The following SEC23IP variants were observed in gnomAD, a reference collection of about 807,000 sequenced individuals.
SEC23IP encodes SEC23-interacting protein.
SEC23IP carries 70 observed loss-of-function variants against 113.4 expected under a neutral mutation model. The observed-to-expected ratio is 0.62, with a 90% CI of 0.51 to 0.75. The LOEUF (loss-of-function observed/expected upper bound fraction) is 0.75. SEC23IP is among the 30% of genes least tolerant of loss of function. The pLI is 0.00. For missense variants in SEC23IP, 1,160 were observed against 1,204.9 expected, an observed-to-expected ratio of 0.96 and a Z score of 0.55; for synonymous variants, 398 against 421.0, an observed-to-expected ratio of 0.95 and a Z score of 0.67.
intron 9 of SEC23IP, 82 bp downstream of exon 9, chr10:119,918,126 C>A: frequency 2.7e-6 from 3 of 1,117,550 alleles, no homozygotes; most frequent in Non-Finnish European, 3.9e-6. Context: ...ATTGTTAGTG[C>A]AAAATTAAGA....
In SEC23IP at chr10:119,909,136, G is replaced by C; in HGVS notation, c.1191+6G>C. The C allele has an allele frequency of 8.2e-6, 13 of 1,575,894 alleles. No individual in the cohort carries two copies. Among genetic ancestry groups the C allele is most frequent in the Non-Finnish European group, 1.1e-5 (13 of 1,157,036 alleles). ...TTGTTATGCACAATCCAAAGGTAAT[G>C]ATGGTGTTCAAAATTTTAAGGTATT... On this transcript the variant is annotated splice_donor_region_variant and intron_variant, in intron 5 of 18. Transcript: ENST00000369075.
chr10:119,907,836 C>T (rs1854728037), intron 4 of SEC23IP, among the ~76,000 whole-genome samples: 1 of 152,122 alleles, frequency 6.6e-6, no homozygotes, highest in African/African-American at 2.4e-5. Flanking sequence ...CCTGTAGTGC[C>T]AGTTACTCGG....
At position 119,914,784 on chromosome 10, in the gene SEC23IP, T is replaced by A. The variant is rs1358722024; in HGVS notation, c.1367T>A (p.Val456Glu). 4 of 1,614,204 alleles carry A rather than the reference T, an allele frequency of 2.5e-6. No homozygotes were observed. The highest frequency in any genetic ancestry group is 1.7e-5 in the Admixed American group (1 of 60,026). ...LVFVVHGIGP[V>E]CDLRFRSIIE... ...TTTGTGGTGCATGGCATTGGACCTG[T>A]GTGTGACTTACGCTTTAGGAGCATT... Residue 456 changes from valine (V) to glutamate (E), a missense_variant, in exon 7 of 19, where the codon GTG becomes GAG. Coordinates refer to ENST00000369075, the MANE Select transcript of SEC23IP (RefSeq NM_007190.4).
intron 5 of SEC23IP, among the ~76,000 whole-genome samples, chr10:119,911,250 T>C (rs1000126009): frequency 6.6e-6 from 1 of 151,834 alleles, no homozygotes; most frequent in Admixed American, 6.6e-5. Flanking sequence ...AATTGCAGGT[T>C]ACTTGTCCTT....
chr10:119,912,324 A>G (rs1418249203), intron 6 of SEC23IP, among the ~76,000 whole-genome samples, 160 bp downstream of exon 6: 1 of 152,018 alleles, frequency 6.6e-6, no homozygotes, highest in Non-Finnish European at 1.5e-5. Flanking sequence ...GTAGAGATGA[A>G]GTTTTGCCAT....
intron 18 of SEC23IP, among the ~76,000 whole-genome samples, chr10:119,935,782 A>G (rs1197212399): frequency 6.6e-6 from 1 of 152,196 alleles, no homozygotes; most frequent in East Asian, 1.9e-4. Context: ...TTCATTTGGG[A>G]TGGGTTCAAG....
Position 119,902,788 on chromosome 10 carries a change from G to A in SEC23IP, c.697-11G>A, listed in dbSNP as rs765226594. On this transcript the variant is annotated splice_polypyrimidine_tract_variant and intron_variant, in intron 2 of 18. Transcript: ENST00000369075. ...CAAGCATGACAGTCTTAACTTTGCC[G>A]TCCCCTCCAGGTTCCTTCTTCAGTG... The A allele has an allele frequency of 5.5e-5, 89 of 1,611,028 alleles. No individual in the cohort carries two copies. The South Asian group carries it at 6.3e-4, about 11-fold the overall frequency.
At chr10:119,899,489 A>C (rs1175756042) in intron 2 of SEC23IP, among the ~76,000 whole-genome samples, 1 of 152,234 alleles carries the variant, frequency 6.6e-6, no homozygotes, top group Non-Finnish European at 1.5e-5. Flanking sequence ...CTAATTGTTT[A>C]TTTGATTTCC....
At chr10:119,923,932 A>G (rs1855333296) in intron 12 of SEC23IP, among the ~76,000 whole-genome samples, 1 of 152,232 alleles carries the variant, frequency 6.6e-6, no homozygotes, top group Non-Finnish European at 1.5e-5. Flanking sequence ...GCAACAGGAC[A>G]GTTTCTGATC....
chr10:119,936,579 A>T (rs1343910873), intron 18 of SEC23IP, among the ~76,000 whole-genome samples: 1 of 149,036 alleles, frequency 6.7e-6, no homozygotes, highest in African/African-American at 2.5e-5. Context: ...TTTGATCCCT[A>T]CATTTTGCTA....
chr10:119,894,890 G>GTC (rs1204449757), intron 1 of SEC23IP, among the ~76,000 whole-genome samples: 1 of 122,868 alleles, frequency 8.1e-6, no homozygotes, highest in Non-Finnish European at 1.7e-5. Context: ...CTTGGAGACA[G>GTC]TCTGTGTGTG....
At chr10:119,895,099 G>C (rs1047035283) in intron 1 of SEC23IP, among the ~76,000 whole-genome samples, 1 of 152,106 alleles carries the variant, frequency 6.6e-6, no homozygotes, top group Admixed American at 6.6e-5. Flanking sequence ...AGCAGACATG[G>C]AAGGCCTGGC....
At position 119,914,805 on chromosome 10, in the gene SEC23IP, G is replaced by T. The variant is rs1362502357; in HGVS notation, c.1388G>T (p.Ser463Ile). Residue 463 changes from serine to isoleucine, a missense_variant, in exon 7 of 19, where the codon AGC becomes ATC. Physicochemically the swap from Ser to Ile is moderately radical, Grantham distance 142. Coordinates refer to ENST00000369075, the MANE Select transcript of SEC23IP (RefSeq NM_007190.4). ...IGPVCDLRFR[S>I]IIECVDDFRV... Reference sequence around the variant, plus strand: ...CCTGTGTGTGACTTACGCTTTAGGAGCATTATTGAGTGTGGTAAGTGTTGG... The same window carrying T: ...CCTGTGTGTGACTTACGCTTTAGGATCATTATTGAGTGTGGTAAGTGTTGG... 1.2e-6 allele frequency: 2 copies of T among 1,613,944 alleles called. No individual in the cohort carries two copies. Among genetic ancestry groups the T allele is most frequent in the Non-Finnish European group, 1.7e-6 (2 of 1,179,808 alleles).
chr10:119,914,955 G>A, intron 7 of SEC23IP, 136 bp downstream of exon 7: 1 of 754,092 alleles, frequency 1.3e-6, no homozygotes. Context: ...TAAATGGTCA[G>A]TGGGAAATAC....
rs534157417 is a variant in SEC23IP, at chr10:119,920,811, T to A, written c.2026-78T>A. The stretch of plus-strand genomic sequence containing the variant: ...TTAGATTGCTTTAGATGATGTGGTT[T>A]CTTTATAATTTTCATATTCTCATTT... On this transcript the variant is annotated intron_variant, in intron 11 of 18. Coordinates refer to ENST00000369075, the MANE Select transcript of SEC23IP (RefSeq NM_007190.4). The A allele has an allele frequency of 7.3e-5, 72 of 986,128 alleles. No individual in the cohort carries two copies. In the South Asian group the frequency reaches 1.1e-3, roughly 15 times the overall value. The allele number at this position is 986,128 out of a possible 1,614,324, so 61.1% of individuals were successfully genotyped here. A position where few individuals can be genotyped will look rare whatever the true frequency, so the allele number is the denominator to read the frequency against.
chr10:119,932,217 ATGAGTT>A lies in SEC23IP; in HGVS notation c.2660_2665del (p.Glu887_Phe888del). 6.2e-7 allele frequency: 1 copy of A among 1,612,702 alleles called. No homozygotes were observed. Among genetic ancestry groups the A allele is most frequent in the Non-Finnish European group, 8.5e-7 (1 of 1,178,708 alleles). On this transcript the variant is annotated inframe_deletion, in exon 16 of 19. Coordinates refer to ENST00000369075, the MANE Select transcript of SEC23IP (RefSeq NM_007190.4). ...CTCAAAAGTGCTTGGCAGACATTAA[ATGAGTT>A]TGCCCGTGCTCATACGTCTTCAACC... is the stretch of plus-strand genomic sequence containing the variant.
At chr10:119,928,794 CAA>C (rs1001531915) in intron 13 of SEC23IP, among the ~76,000 whole-genome samples, 3 of 152,222 alleles carry the variant, frequency 2.0e-5, no homozygotes, top group Admixed American at 6.5e-5. Flanking sequence ...GTAAGCTACT[CAA>C]AATGTGCTCT....
chr10:119,932,909 G>T, intron 16 of SEC23IP, 96 bp from the exon 17 acceptor site: 1 of 1,088,706 alleles, frequency 9.2e-7, no homozygotes, highest in Non-Finnish European at 1.3e-6. Context: ...TGCTACATGC[G>T]TCAAGCAGTA....
At chr10:119,910,188 G>A (rs1043218524) in intron 5 of SEC23IP, among the ~76,000 whole-genome samples, 15 of 152,138 alleles carry the variant, frequency 9.9e-5, no homozygotes, top group African/African-American at 3.6e-4. Flanking sequence ...ATTTTTCTGT[G>A]GGCTGTAGTA....
Sources: allele counts gnomAD v4.1 joint callset (sites outside exome capture counted in the v4.1 genomes callset), GRCh38; gene constraint gnomAD v4.1.1; transcripts MANE v1.5; gene names NCBI Gene and HGNC (gene_info 2026-07-23, HGNC 2026-07-21).